Variants in PRTFDC1 observed in about 807,000 individuals in gnomAD.
PRTFDC1 encodes the protein phosphoribosyltransferase domain-containing protein 1.
In PRTFDC1, 38 loss-of-function variants were observed where a neutral mutation model predicts 34.6. The ratio of observed to expected loss-of-function variants is 1.10; its 90% confidence interval spans 0.85 to 1.44. The LOEUF is 1.44. Ranked by LOEUF, PRTFDC1 falls within the 40% of genes most tolerant of loss-of-function variation. PRTFDC1 has a pLI of 0.00. For missense variants in PRTFDC1, 270 were observed against 283.0 expected (o/e 0.95, Z 0.33); for synonymous variants, 93 against 98.1 (o/e 0.95, Z 0.31).
At chr10:24,849,994 G>C in intron 8 of PRTFDC1, 103 bp from the exon 9 acceptor site, 1 of 1,055,494 alleles carries the variant, frequency 9.5e-7, no homozygotes, top group Non-Finnish European at 1.5e-6. Context: ...ATTGGCTATT[G>C]ATCATTTAAA....
chr10:24,911,640 G>A lies in PRTFDC1; in HGVS notation c.339+25544C>T, dbSNP rs763653097. Among the ~76,000 whole-genome samples, 3 of 152,250 alleles carry A rather than the reference G, an allele frequency of 2.0e-5. 1 individual carries two copies. The highest frequency in any genetic ancestry group is 1.5e-5 in the Non-Finnish European group (1 of 68,018). ...CCCAGCACTTTGGGAGGCCCAGGCAGGTGGATCACGAGGTCAGGAGACTGA... is the reference window on the plus strand; with the variant it reads ...CCCAGCACTTTGGGAGGCCCAGGCAAGTGGATCACGAGGTCAGGAGACTGA... On this transcript the variant is annotated intron_variant, in intron 3 of 8. Transcript: ENST00000320152.
intron 3 of PRTFDC1, among the ~76,000 whole-genome samples, chr10:24,905,895 C>T (rs1264374780): frequency 6.6e-6 from 1 of 152,152 alleles, no homozygotes; most frequent in Non-Finnish European, 1.5e-5. Context: ...GCTCCCTCCT[C>T]TCACCACTCC....
chr10:24,867,147 G>T (rs925098089), intron 4 of PRTFDC1, among the ~76,000 whole-genome samples: 11 of 152,040 alleles, frequency 7.2e-5, no homozygotes, highest in African/African-American at 2.7e-4. Flanking sequence ...GGTTCATAAT[G>T]CCTCTAACTC....
At chr10:24,905,982 A>G (rs148998684) in intron 3 of PRTFDC1, among the ~76,000 whole-genome samples, 2 of 152,036 alleles carry the variant, frequency 1.3e-5, no homozygotes, top group African/African-American at 2.4e-5. Context: ...AGCTCCCACC[A>G]ATAAGTGAGA....
In PRTFDC1 at chr10:24,927,581, A is replaced by ATTTTT. The variant is rs5783910; in HGVS notation, c.339+9598_339+9602dup. Among the ~76,000 whole-genome samples, 832 of 133,752 alleles carry ATTTTT rather than the reference A, an allele frequency of 6.2e-3. 22 individuals carry two copies. The highest frequency in any genetic ancestry group is 0.023 in the African/African-American group (782 of 34,718). 87.7% of individuals were successfully genotyped at this position (133,752 alleles called of 152,430 possible). A position where few individuals can be genotyped will look rare whatever the true frequency, so the allele number is the denominator to read the frequency against. ...TATTGAAGTGATATTGCGGGACCCA[A>ATTTTT]TTTTTTTTTTTTTTTTTTTGAGACA... is the stretch of plus-strand genomic sequence containing the variant. On this transcript the variant is annotated intron_variant, in intron 3 of 8. Coordinates refer to ENST00000320152, the MANE Select transcript of PRTFDC1 (RefSeq NM_020200.7).
At chr10:24,883,053 A>T (rs1205737195) in intron 3 of PRTFDC1, among the ~76,000 whole-genome samples, 4 of 148,330 alleles carry the variant, frequency 2.7e-5, no homozygotes, top group Non-Finnish European at 5.9e-5. Context: ...ACATATATAC[A>T]TAATTTATAT....
intron 1 of PRTFDC1, among the ~76,000 whole-genome samples, chr10:24,950,772 C>G (rs1016695453): frequency 1.3e-5 from 2 of 152,132 alleles, no homozygotes; most frequent in African/African-American, 4.8e-5. Flanking sequence ...TTGGGACTTT[C>G]CAGGCTTCCA....
At chr10:24,882,235 A>T (rs1442869145) in intron 3 of PRTFDC1, among the ~76,000 whole-genome samples, 1 of 134,088 alleles carries the variant, frequency 7.5e-6, no homozygotes, top group East Asian at 2.2e-4. Context: ...GAAAAGAAAA[A>T]GAGAAAGACT....
At chr10:24,867,488 G>A (rs139413650) in intron 4 of PRTFDC1, among the ~76,000 whole-genome samples, 1 of 152,180 alleles carries the variant, frequency 6.6e-6, no homozygotes, top group Non-Finnish European at 1.5e-5. Flanking sequence ...GCTTTGCTGA[G>A]CAAGTTCAGC....
chr10:24,904,521 C>G (rs1848501319), intron 3 of PRTFDC1, among the ~76,000 whole-genome samples: 1 of 152,170 alleles, frequency 6.6e-6, no homozygotes, highest in Non-Finnish European at 1.5e-5. Flanking sequence ...GTCAGGGAGG[C>G]AGGCAAGTCT....
intron 3 of PRTFDC1, among the ~76,000 whole-genome samples, chr10:24,874,726 G>T (rs527573686): frequency 2.0e-5 from 3 of 152,080 alleles, no homozygotes; most frequent in Non-Finnish European, 4.4e-5. Context: ...GTGTACAAAC[G>T]TGTTTTTTTA....
At chr10:24,921,470 A>ACATG (rs1848786980) in intron 3 of PRTFDC1, among the ~76,000 whole-genome samples, 1 of 152,136 alleles carries the variant, frequency 6.6e-6, no homozygotes, top group Non-Finnish European at 1.5e-5. Flanking sequence ...CTCGATGATC[A>ACATG]CATGCTAACC....
intron 3 of PRTFDC1, among the ~76,000 whole-genome samples, chr10:24,930,895 G>A (rs889640585): frequency 6.6e-6 from 1 of 152,110 alleles, no homozygotes; most frequent in Non-Finnish European, 1.5e-5. Context: ...AAGAGGTGCT[G>A]TTTAGAGAAA....
chr10:24,887,836 G>A (rs567787457), intron 3 of PRTFDC1, among the ~76,000 whole-genome samples: 4 of 152,228 alleles, frequency 2.6e-5, no homozygotes, highest in East Asian at 3.9e-4. Flanking sequence ...TGTAGCACCC[G>A]TTCAGGCAGC....
intron 3 of PRTFDC1, among the ~76,000 whole-genome samples, chr10:24,889,448 T>C (rs761855337): frequency 5.3e-5 from 8 of 152,142 alleles, no homozygotes; most frequent in Non-Finnish European, 1.2e-4. Context: ...CTTCTCAAAG[T>C]TACATAAGGA....
At chr10:24,914,547 T>G (rs527769870) in intron 3 of PRTFDC1, among the ~76,000 whole-genome samples, 1 of 152,230 alleles carries the variant, frequency 6.6e-6, no homozygotes, top group African/African-American at 2.4e-5. Context: ...AAGGTGAACT[T>G]TTTTGCCCTC....
intron 1 of PRTFDC1, among the ~76,000 whole-genome samples, chr10:24,944,695 A>C (rs1849226375): frequency 1.3e-5 from 2 of 152,290 alleles, no homozygotes; most frequent in Admixed American, 1.3e-4. Flanking sequence ...AGGTAGGAGG[A>C]TCACTTGAGC....
chr10:24,877,296 A>G (rs1340401111), intron 3 of PRTFDC1, among the ~76,000 whole-genome samples: 1 of 151,984 alleles, frequency 6.6e-6, no homozygotes, highest in Non-Finnish European at 1.5e-5. Context: ...CAGCCTCCCA[A>G]TCGTTGGGAT....
At chr10:24,930,660 A>G (rs530643272) in intron 3 of PRTFDC1, among the ~76,000 whole-genome samples, 2 of 152,242 alleles carry the variant, frequency 1.3e-5, no homozygotes, top group South Asian at 4.1e-4. Flanking sequence ...ACTTTGATTT[A>G]AATACTAGAT....
Sources: gnomAD v4.1 joint callset for allele counts (sites outside exome capture counted in the v4.1 genomes callset) on GRCh38, gnomAD v4.1.1 for gene constraint, MANE v1.5 for transcripts, NCBI Gene and HGNC (gene_info 2026-07-23, HGNC 2026-07-21) for gene names.